Variants in MCTP1 observed in about 807,000 individuals in gnomAD.
MCTP1 encodes multiple C2 and transmembrane domain containing 1, also known as multiple C2 and transmembrane domain-containing protein 1.
MCTP1 carries 69 observed loss-of-function variants against 120.6 expected under a neutral mutation model. The ratio of observed to expected loss-of-function variants is 0.57; its 90% CI spans 0.47 to 0.70. The LOEUF (loss-of-function observed/expected upper bound fraction) is 0.70, where lower values mean the gene tolerates loss of function less well. Among genes scored for constraint, MCTP1 ranks in the 30% least tolerant of loss-of-function variants. MCTP1 has a pLI of 0.00. For synonymous variants in MCTP1, 529 were observed against 493.1 expected, an observed-to-expected ratio of 1.07 and a Z score of -0.96; for missense variants, 1,203 against 1,248.8, an observed-to-expected ratio of 0.96 and a Z score of 0.55.
chr5:95,270,920 A>ACT (rs1190731828), intron 1 of MCTP1, among the ~76,000 whole-genome samples: 1 of 82,018 alleles, frequency 1.2e-5, no homozygotes, highest in Non-Finnish European at 2.4e-5. Flanking sequence ...ACAGAGCAAG[A>ACT]CTCTCTCTCT....
Position 94,938,148 on chromosome 5 carries a change from T to C in MCTP1, c.1173+1936A>G, listed in dbSNP as rs187973785. Among the ~76,000 whole-genome samples the C allele has an allele frequency of 1.2e-3, 184 of 152,152 alleles. 6 individuals are homozygous for C. Among genetic ancestry groups the C allele is most frequent in the Admixed American group, 0.01 (158 of 15,250 alleles). The stretch of plus-strand genomic sequence containing the variant: ...CAGGTATCCATTCTTACCCCTTCAA[T>C]ATGTTTTCTACAATGCAGCCACAGA... On this transcript the variant is annotated intron_variant, in intron 5 of 22. Transcript: ENST00000515393.
At chr5:95,053,773 G>A (rs746938415) in intron 1 of MCTP1, among the ~76,000 whole-genome samples, 13 of 152,068 alleles carry the variant, frequency 8.5e-5, no homozygotes, top group Admixed American at 2.0e-4. Flanking sequence ...GGCCAAATGC[G>A]ACCTCCACAA....
chr5:95,141,543 G>A (rs1041191639), intron 1 of MCTP1, among the ~76,000 whole-genome samples: 1 of 152,174 alleles, frequency 6.6e-6, no homozygotes, highest in Non-Finnish European at 1.5e-5. Flanking sequence ...CAAAGTCCTA[G>A]ATAGTTTCAT....
At chr5:95,142,609 A>T (rs1040073156) in intron 1 of MCTP1, among the ~76,000 whole-genome samples, 6 of 152,190 alleles carry the variant, frequency 3.9e-5, no homozygotes, top group Non-Finnish European at 8.8e-5. Flanking sequence ...GAAAAAAGTC[A>T]TGAAAAGCTA....
At chr5:94,902,500 A>G (rs1805785597) in intron 10 of MCTP1, among the ~76,000 whole-genome samples, 1 of 152,226 alleles carries the variant, frequency 6.6e-6, no homozygotes, top group African/African-American at 2.4e-5. Flanking sequence ...ACATGCCTCT[A>G]TGAGAGGGGG....
rs1823597599 is a variant in MCTP1 at position 94,959,546 on chromosome 5, A to C, written c.839-6185T>G. ...CCGTTGTCTCAGCCCAAAACTCCTT[A>C]AGCTGATATGCAACTTCAGCAAAGT... On this transcript the variant is annotated intron_variant, in intron 2 of 22. Coordinates refer to ENST00000515393, the MANE Select transcript of MCTP1 (RefSeq NM_024717.7). 2.0e-5 allele frequency among the ~76,000 whole-genome samples: 3 copies of C among 152,236 alleles called. No homozygotes were observed. In the South Asian group the frequency reaches 6.2e-4, roughly 32 times the overall value.
chr5:94,778,299 G>A (rs1444754256), intron 19 of MCTP1, among the ~76,000 whole-genome samples: 2 of 152,008 alleles, frequency 1.3e-5, no homozygotes, highest in African/African-American at 4.8e-5. Flanking sequence ...TCTCTCCTCT[G>A]CCTCCCAATC....
chr5:95,058,583 T>G (rs1582074851), intron 1 of MCTP1, among the ~76,000 whole-genome samples: 1 of 152,262 alleles, frequency 6.6e-6, no homozygotes, highest in South Asian at 2.1e-4. Context: ...GTATGGGAAA[T>G]CATTTTGGAA....
intron 17 of MCTP1, among the ~76,000 whole-genome samples, chr5:94,857,713 A>G (rs1417903894): frequency 6.6e-6 from 1 of 151,734 alleles, no homozygotes; most frequent in Non-Finnish European, 1.5e-5. Flanking sequence ...AGCATTTCAT[A>G]CAGATGATTT....
At chr5:95,257,802 C>CAT (rs1488491950) in intron 1 of MCTP1, among the ~76,000 whole-genome samples, 43 of 150,990 alleles carry the variant, frequency 2.8e-4, no homozygotes, top group East Asian at 9.8e-4. Context: ...AACATACACA[C>CAT]ACACACACAC....
At chr5:95,008,153 A>C (rs1305244987) in intron 2 of MCTP1, among the ~76,000 whole-genome samples, 1 of 152,174 alleles carries the variant, frequency 6.6e-6, no homozygotes. Flanking sequence ...CTCAAGCTTC[A>C]TTATAACCTC....
chr5:95,226,412 A>C (rs537490135), intron 1 of MCTP1, among the ~76,000 whole-genome samples: 1 of 152,340 alleles, frequency 6.6e-6, no homozygotes, highest in Non-Finnish European at 1.5e-5. Context: ...AAGAATACTT[A>C]AATGAGCAAA....
intron 19 of MCTP1, among the ~76,000 whole-genome samples, chr5:94,778,638 T>C (rs762482582): frequency 4.6e-5 from 7 of 152,180 alleles, no homozygotes; most frequent in Non-Finnish European, 8.8e-5. Context: ...ACTGGGGTTA[T>C]TTAAATGTCC....
Position 95,284,423 on chromosome 5 carries a change from C to T in MCTP1, c.153G>A (p.Ala51=), listed in dbSNP as rs773446311. 1.9e-6 allele frequency: 3 copies of T among 1,558,962 alleles called. No individual in the cohort carries two copies. The highest frequency in any genetic ancestry group is 4.7e-5 in the East Asian group (2 of 42,216). ...GRAGGPERRT[A]DTPSPSPPPP... is the part of the protein sequence containing the mutation. ...GTGGCGGGGAGGGCGACGGGGTGTC[C>T]GCAGTGCGGCGCTCTGGACCCCCAG... Residue 51 remains alanine (A), a synonymous_variant, in exon 1 of 23, where the codon GCG becomes GCA. Coordinates refer to ENST00000515393, the MANE Select transcript of MCTP1 (RefSeq NM_024717.7). This position sits in a 1 kb window ranked among gnomAD's most constrained non-coding sequence, Gnocchi z 5.2.
At chr5:94,745,949 T>G (rs1471780255) in intron 19 of MCTP1, among the ~76,000 whole-genome samples, 2 of 152,226 alleles carry the variant, frequency 1.3e-5, no homozygotes, top group Non-Finnish European at 2.9e-5. Flanking sequence ...ATGGTGTTAA[T>G]ATGGCTGCCC....
chr5:95,088,239 C>T (rs1390635030), intron 1 of MCTP1, among the ~76,000 whole-genome samples: 1 of 152,188 alleles, frequency 6.6e-6, no homozygotes, highest in Non-Finnish European at 1.5e-5. Flanking sequence ...CTGCAAGGCC[C>T]GTTGGGATCT....
intron 19 of MCTP1, among the ~76,000 whole-genome samples, chr5:94,751,255 A>C (rs778499255): frequency 9.2e-5 from 14 of 152,090 alleles, no homozygotes; most frequent in Non-Finnish European, 1.3e-4. Context: ...TTTAAACAGA[A>C]AGAAACTGAA....
intron 1 of MCTP1, among the ~76,000 whole-genome samples, chr5:95,180,188 CACA>C (rs1346623681): frequency 2.0e-5 from 3 of 152,132 alleles, no homozygotes; most frequent in Non-Finnish European, 4.4e-5. Flanking sequence ...CAGAAGGCAA[CACA>C]ACAATAGTGG....
At chr5:95,023,886 CT>C (rs1309047615) in intron 1 of MCTP1, among the ~76,000 whole-genome samples, 2 of 152,134 alleles carry the variant, frequency 1.3e-5, no homozygotes, top group Admixed American at 6.5e-5. Context: ...GTTGTCTGCT[CT>C]TGTGGTCTGC....
Sources: allele counts gnomAD v4.1 joint callset (sites outside exome capture counted in the v4.1 genomes callset), GRCh38; gene constraint gnomAD v4.1.1; non-coding constraint Gnocchi (gnomAD v3.1); transcripts MANE v1.5; gene names NCBI Gene and HGNC (gene_info 2026-07-23, HGNC 2026-07-21).